Variants in THTPA observed in about 807,000 individuals in gnomAD.
THTPA encodes thiamine triphosphatase.
Under a neutral mutation model 16.5 loss-of-function variants are expected in THTPA, and 16 were observed. The observed-to-expected ratio is 0.97, with a 90% CI of 0.66 to 1.47. The LOEUF is 1.47. Among genes scored for constraint, THTPA ranks in the 40% most tolerant of loss-of-function variants. The pLI, the probability that THTPA is intolerant of heterozygous loss-of-function variation, is 0.00. For missense variants in THTPA, 281 were observed against 280.9 expected (o/e 1.00, Z 0.00); for synonymous variants, 110 against 115.5 (o/e 0.95, Z 0.30).
the THTPA span, among the ~76,000 whole-genome samples, chr14:23,540,698 C>G: frequency 6.6e-6 from 1 of 152,182 alleles, no homozygotes; most frequent in African/African-American, 2.4e-5. Context: ...ACGTATTGAG[C>G]CTTAGTCTCC....
chr14:23,521,583 C>CATT, the THTPA span: 1 of 204,496 alleles, frequency 4.9e-6, no homozygotes, highest in South Asian at 1.1e-4. Context: ...TATGTGTATG[C>CATT]ATTTATGGGG....
At chr14:23,545,040 TCTC>T in the THTPA span, among the ~76,000 whole-genome samples, 1 of 152,014 alleles carries the variant, frequency 6.6e-6, no homozygotes, top group African/African-American at 2.4e-5. Flanking sequence ...CTCCCTTTTT[TCTC>T]CTCTAGTCAA....
the THTPA span, chr14:23,513,564 A>C: frequency 5.9e-5 from 9 of 152,332 alleles, no homozygotes; most frequent in East Asian, 1.9e-4. Context: ...GGGGTCTGGG[A>C]GGGGAGAAGA....
At chr14:23,530,155 G>A in the THTPA span, 4 of 1,536,150 alleles carry the variant, frequency 2.6e-6, no homozygotes, top group Middle Eastern at 1.7e-4. Context: ...ATCTTTCTCA[G>A]GGGTGGGTGG....
the THTPA span, chr14:23,524,317 C>A: frequency 6.5e-7 from 1 of 1,536,350 alleles, no homozygotes; most frequent in Non-Finnish European, 8.7e-7. This position sits in a 1 kb window ranked among gnomAD's most constrained non-coding sequence, Gnocchi z 5.6. Flanking sequence ...CCTGCATGTA[C>A]CAACGGTACA....
At chr14:23,528,679 C>A in the THTPA span, 16 of 985,400 alleles carry the variant, frequency 1.6e-5, no homozygotes, top group Middle Eastern at 5.2e-4. Flanking sequence ...CAGCTCCCAC[C>A]TTATTTTCCA....
the THTPA span, chr14:23,527,723 G>A: frequency 6.5e-7 from 1 of 1,536,168 alleles, no homozygotes; most frequent in Middle Eastern, 1.7e-4. Context: ...TACTTGGGCT[G>A]CACTGCATGC....
At chr14:23,540,068 G>GA in the THTPA span, among the ~76,000 whole-genome samples, 84 of 152,318 alleles carry the variant, frequency 5.5e-4, no homozygotes, top group African/African-American at 1.9e-3. Context: ...TCTCACTGCA[G>GA]ACTCTGCCTC....
At chr14:23,534,071 A>AG in the THTPA span, 1 of 1,519,482 alleles carries the variant, frequency 6.6e-7, no homozygotes, top group Non-Finnish European at 8.8e-7. This position sits in a 1 kb window ranked among gnomAD's most constrained non-coding sequence, Gnocchi z 4.5. Flanking sequence ...GCTAGGCGAT[A>AG]GGGCTGGGGT....
chr14:23,525,729 G>A, the THTPA span: 10 of 1,515,248 alleles, frequency 6.6e-6, no homozygotes, highest in Non-Finnish European at 8.8e-6. This position sits in a 1 kb window ranked among gnomAD's most constrained non-coding sequence, Gnocchi z 5.9. Context: ...CGCTCAGCCA[G>A]CTCAGCCTTG....
Position 23,556,452 on chromosome 14 carries a change from G to C in THTPA, c.-306G>C. 5.6e-6 allele frequency: 2 copies of C among 355,976 alleles called. No individual in the cohort carries two copies. The highest frequency in any genetic ancestry group is 5.1e-6 in the Non-Finnish European group (1 of 195,054). The allele number at this position is 355,976 out of a possible 1,614,324, so 22.1% of individuals were successfully genotyped here. On this transcript the variant is annotated 5_prime_UTR_variant, in exon 1 of 2. Coordinates refer to ENST00000288014, the MANE Select transcript of THTPA (RefSeq NM_024328.6). ...GGCAAGGTGTAGAGAGGGGGGCGTTGAAAGGACACCCGCTACCCGGCCTGC... is the reference window on the plus strand; with the variant it reads ...GGCAAGGTGTAGAGAGGGGGGCGTTCAAAGGACACCCGCTACCCGGCCTGC...
chr14:23,527,737 G>T, the THTPA span: 1 of 1,536,136 alleles, frequency 6.5e-7, no homozygotes. Flanking sequence ...TGCATGCTGG[G>T]AGAGTGTATG....
chr14:23,529,710 C>T, the THTPA span: 2 of 1,535,984 alleles, frequency 1.3e-6, no homozygotes, highest in East Asian at 2.4e-5. Flanking sequence ...CAATTCTGAC[C>T]GTGGTCTGGT....
the THTPA span, chr14:23,527,479 C>G: frequency 2.9e-4 from 366 of 1,256,308 alleles, no homozygotes; most frequent in Non-Finnish European, 3.2e-4. Flanking sequence ...AGCCAACACA[C>G]GCACTTGCCT....
the THTPA span, chr14:23,523,268 G>A: frequency 9.0e-6 from 13 of 1,436,636 alleles, no homozygotes; most frequent in East Asian, 2.5e-5. This position sits in a 1 kb window ranked among gnomAD's most constrained non-coding sequence, Gnocchi z 4.1. Context: ...TAAGAGGACC[G>A]GCGCCAGGCG....
chr14:23,533,636 T>G, the THTPA span: 1 of 1,536,966 alleles, frequency 6.5e-7, no homozygotes, highest in South Asian at 1.2e-5. This position sits in a 1 kb window ranked among gnomAD's most constrained non-coding sequence, Gnocchi z 4.8. Context: ...GATTTGGTCT[T>G]AGGCTCTTTG....
chr14:23,522,661 C>T, the THTPA span: 1 of 1,536,396 alleles, frequency 6.5e-7, no homozygotes, highest in Non-Finnish European at 8.7e-7. Flanking sequence ...GGCCCCCCAA[C>T]AGGGCTGGGA....
At chr14:23,530,517 G>A in the THTPA span, 9 of 546,434 alleles carry the variant, frequency 1.6e-5, no homozygotes, top group South Asian at 4.8e-5. Context: ...GAAATGGGAA[G>A]CCCCAGAGAA....
At chr14:23,547,365 T>C in the THTPA span, among the ~76,000 whole-genome samples, 1 of 152,230 alleles carries the variant, frequency 6.6e-6, no homozygotes, top group Non-Finnish European at 1.5e-5. Flanking sequence ...ATATATACGG[T>C]TATGACCAAT....
Sources: gnomAD v4.1 joint callset for allele counts (sites outside exome capture counted in the v4.1 genomes callset) on GRCh38, gnomAD v4.1.1 for gene constraint, Gnocchi (gnomAD v3.1) non-coding constraint, MANE v1.5 for transcripts, NCBI Gene and HGNC (gene_info 2026-07-23, HGNC 2026-07-21) for gene names.